Variants in AOAH observed in about 807,000 individuals in gnomAD.
AOAH encodes acyloxyacyl hydrolase (neutrophil).
Under a neutral mutation model 92.2 loss-of-function variants are expected in AOAH, and 64 were observed. That is an observed-to-expected ratio of 0.69 (90% CI 0.57 to 0.86). The LOEUF is 0.86. AOAH is among the 40% of genes least tolerant of loss of function. The pLI is 0.00. For synonymous variants in AOAH, 263 were observed against 254.5 expected, an observed-to-expected ratio of 1.03 and a Z score of -0.32; for missense variants, 656 against 694.6, an observed-to-expected ratio of 0.94 and a Z score of 0.62.
intron 13 of AOAH, among the ~76,000 whole-genome samples, chr7:36,555,395 T>C (rs2116397158): frequency 6.6e-6 from 1 of 152,314 alleles, no homozygotes. Context: ...GCCAGTATTT[T>C]ATTGAGGATT....
chr7:36,531,740 A>G (rs1784701300), intron 18 of AOAH, among the ~76,000 whole-genome samples: 1 of 152,174 alleles, frequency 6.6e-6, no homozygotes, highest in South Asian at 2.1e-4. Flanking sequence ...AGAAGGGAGG[A>G]AGGTTCTTAT....
At chr7:36,630,357 T>G (rs1177653107) in intron 6 of AOAH, among the ~76,000 whole-genome samples, 1 of 152,218 alleles carries the variant, frequency 6.6e-6, no homozygotes, top group Admixed American at 6.5e-5. Context: ...TAGCACAGGC[T>G]AAAGTAATAG....
intron 13 of AOAH, among the ~76,000 whole-genome samples, chr7:36,557,375 T>C (rs923634721): frequency 2.0e-5 from 3 of 152,180 alleles, no homozygotes; most frequent in Non-Finnish European, 4.4e-5. Context: ...GATGTGCTTC[T>C]CTTTGTGGGT....
chr7:36,528,456 A>C lies in AOAH; in HGVS notation c.1522+1962T>G, dbSNP rs143093146. ...TAAAGCTCTTCTCTCTATATCCTCCACAGAGATAAGGACTCTTCTGCTTTG... is the reference window on the plus strand; with the variant it reads ...TAAAGCTCTTCTCTCTATATCCTCCCCAGAGATAAGGACTCTTCTGCTTTG... On this transcript the variant is annotated intron_variant, in intron 19 of 20. Coordinates refer to ENST00000617537, the MANE Select transcript of AOAH (RefSeq NM_001637.4). Among the ~76,000 whole-genome samples the C allele has an allele frequency of 1.5e-4, 23 of 152,310 alleles. No individual in the cohort carries two copies. The East Asian group carries it at 4.4e-3, about 29-fold the overall frequency.
rs145154615 is a variant in AOAH at position 36,528,840 on chromosome 7, G to A, written c.1522+1578C>T. 3.3e-3 allele frequency among the ~76,000 whole-genome samples: 507 copies of A among 152,266 alleles called. 3 individuals are homozygous for A. Among genetic ancestry groups the A allele is most frequent in the Non-Finnish European group, 5.3e-3 (361 of 68,016 alleles). On this transcript the variant is annotated intron_variant, in intron 19 of 20. Transcript: ENST00000617537. ...TGGTCTTGACCTCCTGGACTTGAGC[G>A]ATCCTCCCATCTCAGCTTCACAAAC...
At chr7:36,515,543 C>T (rs1339135226) in intron 20 of AOAH, among the ~76,000 whole-genome samples, 1 of 135,578 alleles carries the variant, frequency 7.4e-6, no homozygotes, top group Non-Finnish European at 1.6e-5. Context: ...CCTTCACAAC[C>T]CCACGCCACA....
chr7:36,544,010 C>T (rs960891025), intron 15 of AOAH, among the ~76,000 whole-genome samples: 5 of 128,998 alleles, frequency 3.9e-5, no homozygotes, highest in South Asian at 2.4e-4. Flanking sequence ...TGCAGTGGTG[C>T]GATCTCGCTC....
At chr7:36,663,827 A>C (rs1307895913) in intron 3 of AOAH, among the ~76,000 whole-genome samples, 1 of 152,212 alleles carries the variant, frequency 6.6e-6, no homozygotes, top group Non-Finnish European at 1.5e-5. Context: ...CAGCGGTATG[A>C]ATCCTGGCTT....
At chr7:36,547,840 T>C (rs1314767652) in intron 15 of AOAH, among the ~76,000 whole-genome samples, 1 of 152,206 alleles carries the variant, frequency 6.6e-6, no homozygotes, top group Non-Finnish European at 1.5e-5. Context: ...CTTCTTGCTA[T>C]GGGCCATGGG....
intron 12 of AOAH, among the ~76,000 whole-genome samples, chr7:36,593,832 T>TC (rs745588015): frequency 2.0e-5 from 3 of 152,278 alleles, no homozygotes; most frequent in Non-Finnish European, 4.4e-5. Context: ...ATCACAGGTG[T>TC]CCCTGCCAAG....
chr7:36,661,019 G>C (rs1255261584), intron 3 of AOAH: 3 of 152,144 alleles, frequency 2.0e-5, no homozygotes, highest in Non-Finnish European at 4.4e-5. Context: ...CAGCAACACA[G>C]GTTGGTAATA....
rs1447533231 is a variant in AOAH at position 36,535,102 on chromosome 7, GTGTGTC to G, written c.1307-2764_1307-2759del. ...TCTGTGTCTCTGTGTGTGTGTTTGTGTGTGTCTGTGTCTGTGTGTGTATGTGTCTGC... is the reference window on the plus strand; with the variant it reads ...TCTGTGTCTCTGTGTGTGTGTTTGTGTGTGTCTGTGTGTGTATGTGTCTGC... On this transcript the variant is annotated intron_variant, in intron 16 of 20. Transcript: ENST00000617537. Among the ~76,000 whole-genome samples the G allele has an allele frequency of 4.9e-5, 6 of 123,308 alleles. No homozygotes were observed. In the East Asian group the frequency reaches 1.1e-3, roughly 23 times the overall value. 80.9% of individuals were successfully genotyped at this position (123,308 alleles called of 152,430 possible).
chr7:36,618,250 A>C, intron 10 of AOAH, 47 bp downstream of exon 10: 1 of 1,570,898 alleles, frequency 6.4e-7, no homozygotes, highest in Non-Finnish European at 8.8e-7. Flanking sequence ...CTCAAACTAG[A>C]AAAGAATATC....
intron 14 of AOAH, 63 bp from the exon 15 acceptor site, chr7:36,548,749 A>T: frequency 2.8e-6 from 4 of 1,443,272 alleles, no homozygotes; most frequent in Non-Finnish European, 3.9e-6. Flanking sequence ...GTAGCCAGTG[A>T]CACAGGCTGG....
At chr7:36,632,675 G>A (rs1477708024) in intron 5 of AOAH, among the ~76,000 whole-genome samples, 1 of 152,118 alleles carries the variant, frequency 6.6e-6, no homozygotes, top group Non-Finnish European at 1.5e-5. Flanking sequence ...TAGAAACATT[G>A]CAGTTTCCAC....
intron 2 of AOAH, among the ~76,000 whole-genome samples, chr7:36,678,170 G>C (rs1796377365): frequency 6.6e-6 from 1 of 152,096 alleles, no homozygotes; most frequent in Non-Finnish European, 1.5e-5. Flanking sequence ...TCCTTTTTAG[G>C]GGTGCTACTG....
chr7:36,704,221 T>C (rs1798241138), intron 1 of AOAH, among the ~76,000 whole-genome samples: 1 of 152,220 alleles, frequency 6.6e-6, no homozygotes, highest in South Asian at 2.1e-4. Flanking sequence ...CTTGTACATT[T>C]GTTTAAGTTC....
intron 10 of AOAH, among the ~76,000 whole-genome samples, chr7:36,617,603 T>TG (rs1417860938): frequency 6.6e-6 from 1 of 152,210 alleles, no homozygotes; most frequent in African/African-American, 2.4e-5. Context: ...AATGAATGAA[T>TG]GAATGAATGA....
chr7:36,579,796 T>C (rs1788806265), intron 12 of AOAH, among the ~76,000 whole-genome samples: 1 of 152,200 alleles, frequency 6.6e-6, no homozygotes, highest in Admixed American at 6.5e-5. Context: ...GGGTCTGCCT[T>C]TCCCAGACCA....
Sources: allele counts gnomAD v4.1 joint callset (sites outside exome capture counted in the v4.1 genomes callset), GRCh38; gene constraint gnomAD v4.1.1; transcripts MANE v1.5; gene names NCBI Gene and HGNC (gene_info 2026-07-23, HGNC 2026-07-21).